Variants in ENTPD7 observed in about 807,000 individuals in gnomAD.
ENTPD7 encodes the protein ectonucleoside triphosphate diphosphohydrolase 7, also known as NTPDase 7.
Under a neutral mutation model 77.9 loss-of-function variants are expected in ENTPD7, and 53 were observed. That is an observed-to-expected ratio of 0.68 (90% CI 0.55 to 0.85). ENTPD7 has a LOEUF of 0.85. Ranked by LOEUF, ENTPD7 falls within the 40% of genes least tolerant of loss-of-function variation. The pLI is 0.00. For synonymous variants in ENTPD7, 248 were observed against 274.9 expected (o/e 0.90, Z 0.97); for missense variants, 636 against 743.7 (o/e 0.86, Z 1.68).
chr10:99,698,457 C>T (rs1421533422), intron 9 of ENTPD7, 77 bp from the exon 10 acceptor site: 3 of 1,374,524 alleles, frequency 2.2e-6, no homozygotes, highest in Non-Finnish European at 3.0e-6. Flanking sequence ...ATTTCTGATG[C>T]ACATTGTGTT....
intron 3 of ENTPD7, among the ~76,000 whole-genome samples, chr10:99,667,890 A>C (rs1253852269): frequency 7.0e-6 from 1 of 142,372 alleles, no homozygotes; most frequent in Non-Finnish European, 1.5e-5. Flanking sequence ...AAACTGTTTT[A>C]TTACATAGTC....
At chr10:99,676,355 A>G (rs1331370782) in intron 3 of ENTPD7, among the ~76,000 whole-genome samples, 1 of 152,156 alleles carries the variant, frequency 6.6e-6, no homozygotes, top group African/African-American at 2.4e-5. Flanking sequence ...TTTGGGGTTC[A>G]ATAAGTTTTA....
intron 10 of ENTPD7, among the ~76,000 whole-genome samples, chr10:99,700,147 C>T (rs1265672277): frequency 6.6e-6 from 1 of 152,134 alleles, no homozygotes; most frequent in African/African-American, 2.4e-5. Flanking sequence ...GACTCTTTCT[C>T]TTATCTCAAA....
chr10:99,680,621 C>T (rs1034450184), intron 5 of ENTPD7, among the ~76,000 whole-genome samples: 1 of 151,962 alleles, frequency 6.6e-6, no homozygotes, highest in African/African-American at 2.4e-5. Flanking sequence ...AGGGTCTGCT[C>T]TGTTGCCCAG....
At chr10:99,670,567 A>G (rs1330255764) in intron 3 of ENTPD7, among the ~76,000 whole-genome samples, 1 of 152,204 alleles carries the variant, frequency 6.6e-6, no homozygotes, top group Non-Finnish European at 1.5e-5. Context: ...ACAGCCTACT[A>G]CACACTGAGG....
chr10:99,700,081 G>A (rs536890524), intron 10 of ENTPD7, among the ~76,000 whole-genome samples: 164 of 152,210 alleles, frequency 1.1e-3, no homozygotes, highest in African/African-American at 3.6e-3. Flanking sequence ...CCTCCAGGAC[G>A]ACCTTCACGC....
chr10:99,679,580 A>T, intron 4 of ENTPD7, 114 bp downstream of exon 4: 1 of 1,423,184 alleles, frequency 7.0e-7, no homozygotes, highest in Non-Finnish European at 9.4e-7. Context: ...AATGGGAGGG[A>T]TATCTCTTTC....
At position 99,698,729 on chromosome 10, in the gene ENTPD7, C is replaced by G. The variant is rs757905285; in HGVS notation, c.1206C>G (p.Gly402=). The stretch of plus-strand genomic sequence containing the variant: ...ACACCAGCCAGGCCTCACTCAATGG[C>G]ATATATCAATCGCCTATTGACTTCA... The part of the protein sequence containing the change: ...RSNTSQASLN[G]IYQSPIDFNN... Residue 402 remains glycine, a synonymous_variant, in exon 10 of 13, where the codon GGC becomes GGG. Transcript: ENST00000370489. The G allele has an allele frequency of 5.6e-6, 9 of 1,614,224 alleles. No homozygotes were observed. Among genetic ancestry groups the G allele is most frequent in the Non-Finnish European group, 7.6e-6 (9 of 1,180,040 alleles).
chr10:99,681,267 A>ATTATTTAT (rs34561300), intron 5 of ENTPD7, among the ~76,000 whole-genome samples: 2,074 of 149,446 alleles, frequency 0.014, 33 homozygotes, highest in East Asian at 0.048. Context: ...TGACAGTTTG[A>ATTATTTAT]TTATTTATTT....
At chr10:99,681,454 A>AT (rs556910300) in intron 5 of ENTPD7, among the ~76,000 whole-genome samples, 20 of 149,858 alleles carry the variant, frequency 1.3e-4, no homozygotes, top group South Asian at 4.2e-4. Flanking sequence ...AATTTTTTGT[A>AT]TTTTTTTTTG....
Position 99,661,616 on chromosome 10 carries a change from G to A in ENTPD7, c.179G>A (p.Arg60Lys). ...TGGAGTGCTTCATTACCACGAGATA[G>A]GCAATACGAAAGGTGAGTCAGCTTT... is the stretch of plus-strand genomic sequence containing the variant. ...RHWSASLPRD[R>K]QYERYLARVG... The change falls in exon 3 of 13, where the codon AGG becomes AAG. Residue 60 changes from arginine to lysine, a missense_variant. This residue lies in a region of ENTPD7 where 486 missense variants were observed against 556.5 expected (regional missense o/e 0.87). Transcript: ENST00000370489. 1 of 1,606,636 alleles carries A rather than the reference G, an allele frequency of 6.2e-7. No individual in the cohort carries two copies. Among genetic ancestry groups the A allele is most frequent in the East Asian group, 2.2e-5 (1 of 44,678 alleles).
At chr10:99,687,887 C>T (rs2035834378) in intron 6 of ENTPD7, among the ~76,000 whole-genome samples, 1 of 152,106 alleles carries the variant, frequency 6.6e-6, no homozygotes, top group Non-Finnish European at 1.5e-5. Flanking sequence ...GCATCTGCAT[C>T]CAGGGCCAAG....
intron 3 of ENTPD7, among the ~76,000 whole-genome samples, chr10:99,669,740 G>GTTTTTTTTT (rs71472510): frequency 1.0e-4 from 6 of 59,302 alleles, no homozygotes; most frequent in African/African-American, 3.3e-4. Context: ...TAGATGTGTG[G>GTTTTTTTTT]TTTTTTTTTT....
chr10:99,679,903 GA>G, intron 5 of ENTPD7, 28 bp downstream of exon 5: 3 of 1,592,998 alleles, frequency 1.9e-6, no homozygotes, highest in Non-Finnish European at 1.7e-6. Flanking sequence ...GGAAACACAG[GA>G]AAACGGTGGC....
rs772305050 is a variant in ENTPD7 at position 99,661,450 on chromosome 10, A to G, written c.13A>G (p.Ser5Gly). Reference sequence around the variant, plus strand: ...CTAATGTTTGTCTAATTTCAGGATCAGTTTTTCCTACCTCTGCCCAGCCTC... The same window carrying G: ...CTAATGTTTGTCTAATTTCAGGATCGGTTTTTCCTACCTCTGCCCAGCCTC... The part of the protein sequence containing the change: MARI[S>G]FSYLCPASWY... Residue 5 changes from serine (S) to glycine (G), a missense_variant, in exon 3 of 13, where the codon AGT (serine) becomes GGT (glycine). Around this residue, in one of 3 missense-constraint regions of ENTPD7, gnomAD observed 486 missense variants for 556.5 expected, o/e 0.87. Coordinates refer to ENST00000370489, the MANE Select transcript of ENTPD7 (RefSeq NM_020354.5). 28 of 1,591,806 alleles carry G rather than the reference A, an allele frequency of 1.8e-5. No individual in the cohort carries two copies. Among genetic ancestry groups the G allele is most frequent in the Non-Finnish European group, 2.3e-5 (27 of 1,172,720 alleles).
chr10:99,701,846 A>G (rs2133519141), intron 11 of ENTPD7, among the ~76,000 whole-genome samples: 1 of 151,706 alleles, frequency 6.6e-6, no homozygotes, highest in East Asian at 2.0e-4. Flanking sequence ...TCAGGAGTTC[A>G]AGACCAGCCT....
At position 99,710,704 on chromosome 10, in the gene ENTPD7, GACC is replaced by G. The variant is rs1285514203; in HGVS notation, c.*6024_*6026del. The G allele has an allele frequency of 4.1e-6, 4 of 985,258 alleles. No individual in the cohort carries two copies. In the Admixed American group the frequency reaches 1.8e-4, roughly 45 times the overall value. 61.0% of individuals were successfully genotyped at this position (985,258 alleles called of 1,614,324 possible). ...ATATATAACCCACCATTCATCCCAG[GACC>G]ACAAGGGTAGCTGTAGATAAACTGG... On this transcript the variant is annotated 3_prime_UTR_variant, in exon 13 of 13. Transcript: ENST00000370489.
At chr10:99,702,746 TC>T in intron 12 of ENTPD7, 73 bp downstream of exon 12, 2 of 1,416,040 alleles carry the variant, frequency 1.4e-6, no homozygotes, top group South Asian at 3.1e-5. Context: ...TCGGTTTCTT[TC>T]TTTTTTTTTT....
In ENTPD7 at chr10:99,661,493, C is replaced by G. The variant is rs763499616; in HGVS notation, c.56C>G (p.Pro19Arg). ...LCPASWYFTV[P>R]TVSPFLRQRV... ...CCAGCCTCCTGGTACTTCACTGTGC[C>G]CACAGTGAGTCCATTTCTCCGTCAG... is the stretch of plus-strand genomic sequence containing the variant. Residue 19 changes from proline to arginine, a missense_variant, in exon 3 of 13, where the codon CCC becomes CGC. Coordinates refer to ENST00000370489, the MANE Select transcript of ENTPD7 (RefSeq NM_020354.5). 4 of 1,613,574 alleles carry G rather than the reference C, an allele frequency of 2.5e-6. No individual in the cohort carries two copies. The highest frequency in any genetic ancestry group is 2.2e-5 in the East Asian group (1 of 44,832).
Sources: allele counts gnomAD v4.1 joint callset (sites outside exome capture counted in the v4.1 genomes callset), GRCh38; gene constraint gnomAD v4.1.1; regional missense constraint gnomAD v4.1.1; transcripts MANE v1.5; gene names NCBI Gene and HGNC (gene_info 2026-07-23, HGNC 2026-07-21).